SLC39A11: variants seen among roughly 807,000 people sequenced by gnomAD.
SLC39A11 encodes the protein solute carrier family 39 member 11.
Under a neutral mutation model 36.1 loss-of-function variants are expected in SLC39A11, and 33 were observed. That is an observed-to-expected ratio of 0.91 (90% CI 0.69 to 1.22). The LOEUF is 1.22. Among genes scored for constraint, SLC39A11 ranks in the 50% most tolerant of loss-of-function variants. The pLI is 0.00. For missense variants in SLC39A11, 432 were observed against 430.3 expected, an observed-to-expected ratio of 1.00 and a Z score of -0.03; for synonymous variants, 166 against 170.3, an observed-to-expected ratio of 0.97 and a Z score of 0.20.
At chr17:73,000,272 C>T (rs1029208489) in intron 4 of SLC39A11, among the ~76,000 whole-genome samples, 17 of 150,012 alleles carry the variant, frequency 1.1e-4, no homozygotes, top group African/African-American at 4.2e-4. Context: ...CTCATCTCTC[C>T]TTTCTCCCCT....
intron 5 of SLC39A11, among the ~76,000 whole-genome samples, chr17:72,941,670 G>T (rs1051034414): frequency 6.6e-6 from 1 of 151,706 alleles, no homozygotes; most frequent in African/African-American, 2.4e-5. Flanking sequence ...TACCCACCCT[G>T]ATAATGTTCC....
Position 72,649,184 on chromosome 17 carries a change from G to A in SLC39A11, c.756C>T (p.Thr252=). The A allele has an allele frequency of 1.9e-6, 3 of 1,613,932 alleles. No individual in the cohort carries two copies. Among genetic ancestry groups the A allele is most frequent in the Non-Finnish European group, 1.7e-6 (2 of 1,179,912 alleles). The change falls in exon 8 of 10, where the codon ACC becomes ACT. Residue 252 remains threonine (T), a synonymous_variant. Transcript: ENST00000255559. Reference sequence around the variant, plus strand: ...GCAGCACTCACCAGAAAGCTCTCCAGGTGGAGAAGCCTGCCCCTCGCAAGG... The same window carrying A: ...GCAGCACTCACCAGAAAGCTCTCCAAGTGGAGAAGCCTGCCCCTCGCAAGG... ...SLPLRGAGFS[T]WRAFWYGQLS... is the part of the protein sequence containing the mutation.
chr17:72,701,753 G>A (rs1450951194), intron 7 of SLC39A11, among the ~76,000 whole-genome samples: 11 of 120,212 alleles, frequency 9.2e-5, no homozygotes, highest in East Asian at 7.2e-4. Flanking sequence ...AAAAGAAAAA[G>A]AGAAAGAAAG....
At chr17:72,713,979 G>C (rs1164945401) in intron 7 of SLC39A11, among the ~76,000 whole-genome samples, 1 of 152,168 alleles carries the variant, frequency 6.6e-6, no homozygotes, top group Non-Finnish European at 1.5e-5. Context: ...TAACGTCAGG[G>C]ACCTCAAATT....
chr17:72,994,371 C>A (rs1336325378), intron 4 of SLC39A11, among the ~76,000 whole-genome samples: 1 of 151,848 alleles, frequency 6.6e-6, no homozygotes, highest in Non-Finnish European at 1.5e-5. Context: ...AATACTAAAT[C>A]ATGTTGTTTA....
intron 5 of SLC39A11, among the ~76,000 whole-genome samples, chr17:72,908,844 G>T (rs748260045): frequency 6.6e-6 from 1 of 152,186 alleles, no homozygotes; most frequent in Non-Finnish European, 1.5e-5. Flanking sequence ...TATCTCCCCA[G>T]TCAAACAAGG....
intron 3 of SLC39A11, among the ~76,000 whole-genome samples, chr17:73,051,348 C>A (rs1188550721): frequency 1.3e-5 from 2 of 152,128 alleles, no homozygotes; most frequent in African/African-American, 4.8e-5. Flanking sequence ...CATTTCCGAG[C>A]CCTAAAAAGA....
chr17:72,952,290 C>T (rs1307266712), intron 4 of SLC39A11, among the ~76,000 whole-genome samples: 1 of 152,222 alleles, frequency 6.6e-6, no homozygotes, highest in Non-Finnish European at 1.5e-5. Context: ...ATTCCTCCAA[C>T]TCTCAATTAT....
At chr17:72,901,639 G>A (rs2082399060) in intron 5 of SLC39A11, among the ~76,000 whole-genome samples, 1 of 152,196 alleles carries the variant, frequency 6.6e-6, no homozygotes, top group Non-Finnish European at 1.5e-5. Context: ...GTCCGCCAGT[G>A]CACACTAGAA....
chr17:72,664,370 G>T (rs1203347868), intron 7 of SLC39A11, among the ~76,000 whole-genome samples: 1 of 152,192 alleles, frequency 6.6e-6, no homozygotes. Context: ...AACTGCAGAA[G>T]GCAGGGAGGG....
At chr17:72,900,768 C>T (rs1011380204) in intron 5 of SLC39A11, among the ~76,000 whole-genome samples, 6 of 152,194 alleles carry the variant, frequency 3.9e-5, no homozygotes, top group African/African-American at 7.2e-5. Context: ...CAACAAACAA[C>T]GGCATCCATG....
Position 73,009,238 on chromosome 17 carries a change from G to A in SLC39A11, c.306+22318C>T, listed in dbSNP as rs541476720. Among the ~76,000 whole-genome samples the A allele has an allele frequency of 2.3e-4, 35 of 151,590 alleles. 1 individual carries two copies. The South Asian group carries it at 6.5e-3, about 28-fold the overall frequency. On this transcript the variant is annotated intron_variant, in intron 4 of 9. Coordinates refer to ENST00000255559, the MANE Select transcript of SLC39A11 (RefSeq NM_139177.4). ...CGAAAAATTAGCCAGGTGTGGTGGC[G>A]GGCATCTGTAGTCCCCGCTACGGGG... is the stretch of plus-strand genomic sequence containing the variant.
At chr17:72,744,604 C>T (rs1164412199) in intron 6 of SLC39A11, among the ~76,000 whole-genome samples, 1 of 151,782 alleles carries the variant, frequency 6.6e-6, no homozygotes, top group Non-Finnish European at 1.5e-5. Context: ...GCTGAGAAGT[C>T]TGAGATCAAG....
intron 6 of SLC39A11, among the ~76,000 whole-genome samples, chr17:72,776,973 T>G (rs1236498931): frequency 6.6e-6 from 1 of 152,144 alleles, no homozygotes; most frequent in Non-Finnish European, 1.5e-5. Context: ...CTTCACTTTT[T>G]TCATCTCATA....
intron 7 of SLC39A11, among the ~76,000 whole-genome samples, chr17:72,683,333 A>AT (rs112326860): frequency 0.18 from 24,753 of 134,596 alleles, 2,612 homozygotes; most frequent in Middle Eastern, 0.24. Context: ...CTTGAGACTA[A>AT]TTTTTTTTTT....
chr17:72,752,201 T>G (rs769293271), intron 6 of SLC39A11, among the ~76,000 whole-genome samples: 66 of 152,306 alleles, frequency 4.3e-4, no homozygotes, highest in Non-Finnish European at 8.7e-4. Flanking sequence ...ATAGCTTGAC[T>G]TGAAAGTGCT....
intron 6 of SLC39A11, among the ~76,000 whole-genome samples, chr17:72,762,657 T>C (rs1418400230): frequency 6.6e-6 from 1 of 152,216 alleles, no homozygotes; most frequent in African/African-American, 2.4e-5. Flanking sequence ...GAATTCTTTC[T>C]TGCACAAGAT....
intron 7 of SLC39A11, among the ~76,000 whole-genome samples, chr17:72,706,333 CA>C (rs750037529): frequency 6.4e-4 from 97 of 152,288 alleles, no homozygotes; most frequent in Admixed American, 1.2e-3. Context: ...ACACAAGTCA[CA>C]GTATCCTTGA....
intron 4 of SLC39A11, among the ~76,000 whole-genome samples, chr17:72,952,035 C>G (rs1349580993): frequency 1.3e-5 from 2 of 152,086 alleles, no homozygotes; most frequent in African/African-American, 4.8e-5. Flanking sequence ...GACAGAGATC[C>G]GTTATCTCCA....
Sources: gnomAD v4.1 joint callset for allele counts (sites outside exome capture counted in the v4.1 genomes callset) on GRCh38, gnomAD v4.1.1 for gene constraint, MANE v1.5 for transcripts, NCBI Gene and HGNC (gene_info 2026-07-23, HGNC 2026-07-21) for gene names.